The following CERS4 variants were observed in gnomAD, a reference collection of about 807,000 sequenced individuals.
CERS4 encodes LAG1 homolog, ceramide synthase 4.
CERS4 carries 65 observed loss-of-function variants against 51.8 expected under a neutral mutation model. The observed-to-expected ratio is 1.26, with a 90% CI of 1.03 to 1.54. The LOEUF (loss-of-function observed/expected upper bound fraction) is 1.54, where lower values mean the gene tolerates loss of function less well. Ranked by LOEUF, CERS4 falls within the 40% of genes most tolerant of loss-of-function variation. The pLI, the probability that CERS4 is intolerant of heterozygous loss-of-function variation, is 0.00. For missense variants in CERS4, 563 were observed against 500.4 expected (o/e 1.13, Z -1.19); for synonymous variants, 228 against 208.4 (o/e 1.09, Z -0.81).
In CERS4 at chr19:8,256,247, G is replaced by A; in HGVS notation, c.480G>A (p.Leu160=). 6.2e-7 allele frequency: 1 copy of A among 1,613,054 alleles called. No homozygotes were observed. The highest frequency in any genetic ancestry group is 8.5e-7 in the Non-Finnish European group (1 of 1,179,648). The stretch of plus-strand genomic sequence containing the variant: ...CCATTTCCCTGCAGGAGTCATGGCT[G>A]TGGGCACCAGTAATGTGCTGGGACA... ...GLSVLYHESW[L]WAPVMCWDRY... is the part of the protein sequence containing the mutation. The change falls in exon 7 of 12, where the codon CTG becomes CTA. Residue 160 remains leucine, a synonymous_variant. Transcript: ENST00000251363.
rs756000347 is a variant in CERS4, at chr19:8,262,111, C to T, written c.*2C>T. The T allele has an allele frequency of 3.1e-5, 46 of 1,465,820 alleles. No individual in the cohort carries two copies. The Admixed American group carries it at 6.6e-4, about 21-fold the overall frequency. 90.8% of individuals were successfully genotyped at this position (1,465,820 alleles called of 1,614,324 possible). A position where few individuals can be genotyped will look rare whatever the true frequency, so the allele number is the denominator to read the frequency against. On this transcript the variant is annotated 3_prime_UTR_variant, in exon 12 of 12. Transcript: ENST00000251363. ...AACAGGCACACAACAGCCACATAGC[C>T]GGGCGGGGCTGGCTGTAAGGGGTTG...
chr19:8,248,737 GTGGATGGACAGGTGTT>G (rs1221973152), intron 2 of CERS4, among the ~76,000 whole-genome samples: 3 of 151,474 alleles, frequency 2.0e-5, no homozygotes, highest in Admixed American at 2.0e-4. Context: ...TGGACGATAG[GTGGATGGACAGGTGTT>G]TGGATGGATG....
intron 10 of CERS4, chr19:8,261,171 T>C (rs969521257): frequency 6.4e-6 from 1 of 156,470 alleles, no homozygotes; most frequent in African/African-American, 2.4e-5. Context: ...GCCCCACCTC[T>C]GTCCGGCTAC....
At chr19:8,243,161 T>C (rs1447065196) in intron 2 of CERS4, among the ~76,000 whole-genome samples, 1 of 121,194 alleles carries the variant, frequency 8.3e-6, no homozygotes, top group Non-Finnish European at 1.6e-5. Context: ...GCCAGTGCAC[T>C]CCAGTCTGGG....
chr19:8,211,553 C>T (rs1209268431), intron 2 of CERS4, among the ~76,000 whole-genome samples: 1 of 152,154 alleles, frequency 6.6e-6, no homozygotes, highest in African/African-American at 2.4e-5. Context: ...GCTAAACAGG[C>T]TATTAAAATA....
intron 3 of CERS4, among the ~76,000 whole-genome samples, chr19:8,252,147 G>A (rs1969118129): frequency 6.6e-6 from 1 of 151,818 alleles, no homozygotes; most frequent in Non-Finnish European, 1.5e-5. Context: ...AAGGTGGGCG[G>A]ATCATGATGT....
intron 2 of CERS4, among the ~76,000 whole-genome samples, chr19:8,233,868 A>C (rs546780374): frequency 1.3e-5 from 2 of 152,082 alleles, no homozygotes; most frequent in South Asian, 2.1e-4. Context: ...AAAAACACAA[A>C]AATTAGCTGG....
chr19:8,241,799 C>G (rs1454317509), intron 2 of CERS4, among the ~76,000 whole-genome samples: 2 of 152,154 alleles, frequency 1.3e-5, no homozygotes, highest in African/African-American at 4.8e-5. Flanking sequence ...AACTGCCCGC[C>G]TGCCCTGAGC....
At chr19:8,248,575 T>G (rs1221127685) in intron 2 of CERS4, among the ~76,000 whole-genome samples, 4 of 150,332 alleles carry the variant, frequency 2.7e-5, no homozygotes, top group African/African-American at 9.9e-5. Context: ...GGTGGACAGA[T>G]GGATGATGGA....
rs142924901 is a variant in CERS4 at position 8,210,540 on chromosome 19, C to T, written c.-158-166C>T. The T allele has an allele frequency of 9.5e-3, 1,448 of 152,116 alleles. 8 individuals carry two copies. Among genetic ancestry groups the T allele is most frequent in the Middle Eastern group, 0.041 (12 of 294 alleles). The allele number at this position is 152,116 out of a possible 1,614,324, so 9.4% of individuals were successfully genotyped here. A position where few individuals can be genotyped will look rare whatever the true frequency, so the allele number is the denominator to read the frequency against. ...CTACCAGATGGGGGAATGCTCCCAT[C>T]GACTCCAGTCTGAGCTCAGGCAAGG... On this transcript the variant is annotated intron_variant, in intron 1 of 11. Transcript: ENST00000251363. This position sits in a 1 kb window ranked among gnomAD's most constrained non-coding sequence, Gnocchi z 4.2.
rs142572000 is a variant in CERS4 at position 8,238,612 on chromosome 19, G to C, written c.-1-12464G>C. 7.2e-5 allele frequency: 71 copies of C among 984,496 alleles called. 2 individuals carry two copies. The East Asian group carries it at 7.8e-3, about 109-fold the overall frequency. The allele number at this position is 984,496 out of a possible 1,614,324, so 61.0% of individuals were successfully genotyped here. On this transcript the variant is annotated intron_variant, in intron 2 of 11. Transcript: ENST00000251363. ...CCTTCCCACAGCAGGCACCAGGCCAGAGTTGGGTGGGCACCTGCTGGGGGA... is the reference window on the plus strand; with the variant it reads ...CCTTCCCACAGCAGGCACCAGGCCACAGTTGGGTGGGCACCTGCTGGGGGA...
chr19:8,211,099 T>G (rs1384624798), intron 2 of CERS4, among the ~76,000 whole-genome samples: 1 of 151,766 alleles, frequency 6.6e-6, no homozygotes, highest in Non-Finnish European at 1.5e-5. Context: ...TTCAGGGGGA[T>G]GTATGGGCTT....
chr19:8,212,753 C>T (rs1481758526), intron 2 of CERS4, among the ~76,000 whole-genome samples: 2 of 150,660 alleles, frequency 1.3e-5, no homozygotes, highest in Non-Finnish European at 3.0e-5. Flanking sequence ...ATTCTCCTGC[C>T]TCAGCCTCCT....
chr19:8,255,792 C>G (rs1016363550), intron 5 of CERS4, 30 bp from the exon 6 acceptor site: 1 of 1,613,504 alleles, frequency 6.2e-7, no homozygotes, highest in South Asian at 1.1e-5. Flanking sequence ...CGGGTGTCTG[C>G]TATTTTCACA....
In CERS4 at chr19:8,257,971, C is replaced by G. The variant is rs1209999129; in HGVS notation, c.834C>G (p.Val278=). 2 of 1,613,804 alleles carry G rather than the reference C, an allele frequency of 1.2e-6. No individual in the cohort carries two copies. Among genetic ancestry groups the G allele is most frequent in the East Asian group, 2.2e-5 (1 of 44,878 alleles). Residue 278 remains valine, a synonymous_variant, in exon 10 of 12, where the codon GTC becomes GTG. Transcript: ENST00000251363. ...FSFVFFYTRL[V]LFPTQILYTT... ...TTGTCTTCTTCTACACCCGACTGGTCCTCTTTCCCACCCAGTGAGTCAGCC... is the reference window on the plus strand; with the variant it reads ...TTGTCTTCTTCTACACCCGACTGGTGCTCTTTCCCACCCAGTGAGTCAGCC...
chr19:8,261,546 T>G, intron 10 of CERS4, 142 bp from the exon 11 acceptor site: 1 of 908,864 alleles, frequency 1.1e-6, no homozygotes. Context: ...AGCTCAAGAG[T>G]GTTAGGTATC....
intron 7 of CERS4, 121 bp from the exon 8 acceptor site, chr19:8,256,487 CAGGGATGGGG>C (rs757664829): frequency 5.9e-6 from 6 of 1,013,358 alleles, no homozygotes; most frequent in Non-Finnish European, 8.8e-6. Flanking sequence ...TGATTACCTC[CAGGGATGGGG>C]AGCTCACTCA....
chr19:8,248,544 G>T (rs1053105518), intron 2 of CERS4, among the ~76,000 whole-genome samples: 2 of 151,822 alleles, frequency 1.3e-5, no homozygotes, highest in Non-Finnish European at 2.9e-5. Context: ...GATGATGGCT[G>T]GGTGGACAGA....
chr19:8,261,979 A>AGGCGGC lies in CERS4; in HGVS notation c.1062_1067dup (p.Ala355_Ala356dup). On this transcript the variant is annotated inframe_insertion, in exon 12 of 12. Transcript: ENST00000251363. ...GTAGAAGAATCAGACTCCAGTGAGG[A>AGGCGGC]GGCGGCGGCGGCCCAGGAACCTCTG... 3 of 1,601,124 alleles carry AGGCGGC rather than the reference A, an allele frequency of 1.9e-6. No individual in the cohort carries two copies. The highest frequency in any genetic ancestry group is 2.2e-5 in the East Asian group (1 of 44,744).
Sources: gnomAD v4.1 joint callset for allele counts (sites outside exome capture counted in the v4.1 genomes callset) on GRCh38, gnomAD v4.1.1 for gene constraint, Gnocchi (gnomAD v3.1) non-coding constraint, MANE v1.5 for transcripts, NCBI Gene and HGNC (gene_info 2026-07-23, HGNC 2026-07-21) for gene names.